Variants in NRXN3 observed in about 807,000 individuals in gnomAD.
NRXN3 encodes the protein neurexin III.
NRXN3 carries 32 observed loss-of-function variants against 137.6 expected under a neutral mutation model. The observed-to-expected ratio is 0.23, with a 90% CI of 0.18 to 0.31. The LOEUF is 0.31. Among genes scored for constraint, NRXN3 ranks in the 10% least tolerant of loss-of-function variants. The pLI, the probability that NRXN3 is intolerant of heterozygous loss-of-function variation, is 1.00. For synonymous variants in NRXN3, 798 were observed against 784.5 expected (o/e 1.02, Z -0.29); for missense variants, 1,574 against 2,062.5 (o/e 0.76, Z 4.59).
intron 16 of NRXN3, among the ~76,000 whole-genome samples, chr14:79,469,384 A>G (rs1192487181): frequency 6.6e-6 from 1 of 151,992 alleles, no homozygotes; most frequent in African/African-American, 2.4e-5. Flanking sequence ...GTATATTTTA[A>G]TATACCATTA....
intron 15 of NRXN3, among the ~76,000 whole-genome samples, chr14:79,070,275 T>C (rs1008730897): frequency 1.3e-5 from 2 of 152,130 alleles, no homozygotes; most frequent in South Asian, 2.1e-4. Flanking sequence ...CTTCTGACTG[T>C]ATGGTAAAAG....
At chr14:79,596,574 G>C (rs1424194593) in intron 16 of NRXN3, among the ~76,000 whole-genome samples, 1 of 134,216 alleles carries the variant, frequency 7.5e-6, no homozygotes, top group Admixed American at 7.1e-5. Context: ...CCAATTTTTG[G>C]ACAGGAGCAC....
intron 10 of NRXN3, among the ~76,000 whole-genome samples, chr14:78,853,567 T>C (rs2099048810): frequency 6.6e-6 from 1 of 152,168 alleles, no homozygotes; most frequent in African/African-American, 2.4e-5. Context: ...AAAATTTTAT[T>C]ACTATAATAT....
At chr14:79,088,750 T>G (rs1004856355) in intron 15 of NRXN3, among the ~76,000 whole-genome samples, 1 of 152,200 alleles carries the variant, frequency 6.6e-6, no homozygotes, top group African/African-American at 2.4e-5. Flanking sequence ...AATTTCTTTG[T>G]TATATCAGCC....
At chr14:78,508,740 C>T (rs561906559) in intron 4 of NRXN3, among the ~76,000 whole-genome samples, 1 of 152,218 alleles carries the variant, frequency 6.6e-6, no homozygotes, top group South Asian at 2.1e-4. Flanking sequence ...TTCTTCTTTG[C>T]CACCATGGTG....
chr14:78,440,548 C>T (rs1048157620), intron 4 of NRXN3, among the ~76,000 whole-genome samples: 24 of 152,068 alleles, frequency 1.6e-4, no homozygotes, highest in African/African-American at 3.9e-4. Flanking sequence ...TCCTAGAGGT[C>T]GTGCAACTCA....
chr14:78,303,517 GTC>G (rs1384345096), intron 4 of NRXN3, among the ~76,000 whole-genome samples: 4 of 152,034 alleles, frequency 2.6e-5, no homozygotes, highest in Non-Finnish European at 5.9e-5. Context: ...ATTAAATCGG[GTC>G]ATGTAGCTCA....
chr14:79,261,437 G>A, intron 15 of NRXN3, among the ~76,000 whole-genome samples: 1 of 152,106 alleles, frequency 6.6e-6, no homozygotes, highest in East Asian at 1.9e-4. Flanking sequence ...GCACAGAGAA[G>A]GAGAGATTTA....
At chr14:79,345,139 T>C (rs1383440064) in intron 15 of NRXN3, among the ~76,000 whole-genome samples, 3 of 152,156 alleles carry the variant, frequency 2.0e-5, no homozygotes, top group Non-Finnish European at 2.9e-5. Flanking sequence ...ACGTTCCAAC[T>C]ACCCAGAAAA....
chr14:79,501,761 AT>A (rs2096828417), intron 16 of NRXN3, among the ~76,000 whole-genome samples: 1 of 150,014 alleles, frequency 6.7e-6, no homozygotes, highest in Admixed American at 6.6e-5. Context: ...AAAAAAAAGC[AT>A]GTTAGACGAG....
intron 8 of NRXN3, among the ~76,000 whole-genome samples, chr14:78,786,156 C>T (rs757708407): frequency 4.2e-4 from 64 of 152,242 alleles, no homozygotes; most frequent in Middle Eastern, 3.4e-3. Context: ...ATTGCTAGAT[C>T]CTCAAGGTCT....
At chr14:78,415,259 T>A (rs539004151) in intron 4 of NRXN3, among the ~76,000 whole-genome samples, 10 of 152,348 alleles carry the variant, frequency 6.6e-5, no homozygotes, top group African/African-American at 2.4e-4. Context: ...ATGCCTATCA[T>A]GTAAAAAGCA....
intron 4 of NRXN3, among the ~76,000 whole-genome samples, chr14:78,351,782 CTTT>C (rs11423743): frequency 3.9e-5 from 5 of 127,846 alleles, no homozygotes; most frequent in Non-Finnish European, 8.2e-5. Context: ...TGGTATTTTT[CTTT>C]TTTTTTTTTT....
chr14:79,214,278 C>G (rs761779673), intron 15 of NRXN3, among the ~76,000 whole-genome samples: 4 of 152,194 alleles, frequency 2.6e-5, no homozygotes, highest in Non-Finnish European at 5.9e-5. Context: ...GACAGCTGTC[C>G]TATTTCTAGT....
In NRXN3 at chr14:79,786,351, T is replaced by A. The variant is rs550025208; in HGVS notation, c.4015-18761T>A. On this transcript the variant is annotated intron_variant, in intron 19 of 20. Transcript: ENST00000335750. ...CAGATATTGTTATGGATACATTTTA[T>A]GATATAAATAGAGATACACTTGTTT... 7.2e-4 allele frequency among the ~76,000 whole-genome samples: 110 copies of A among 152,298 alleles called. 1 individual carries two copies. The highest frequency in any genetic ancestry group is 1.3e-3 in the Admixed American group (20 of 15,294).
chr14:78,815,901 TGATGCCACTTATTAGAATC>T (rs2098931439), intron 10 of NRXN3, among the ~76,000 whole-genome samples: 2 of 152,184 alleles, frequency 1.3e-5, no homozygotes, highest in Admixed American at 1.3e-4. Flanking sequence ...ATTTACCTGG[TGATGCCACTTATTAGAATC>T]TTAGCAGAGA....
At chr14:79,518,484 C>A (rs959156367) in intron 16 of NRXN3, among the ~76,000 whole-genome samples, 1 of 151,854 alleles carries the variant, frequency 6.6e-6, no homozygotes, top group African/African-American at 2.4e-5. Context: ...ATGAATGGTT[C>A]TTTTCTGTTA....
At chr14:78,852,161 C>G (rs145556293) in intron 10 of NRXN3, among the ~76,000 whole-genome samples, 11 of 152,222 alleles carry the variant, frequency 7.2e-5, no homozygotes, top group Non-Finnish European at 1.0e-4. Flanking sequence ...ACTTGATCAT[C>G]TCACTTCCTT....
At position 79,763,195 on chromosome 14, in the gene NRXN3, T is replaced by A. The variant is rs1002094561; in HGVS notation, c.4015-41917T>A. Among the ~76,000 whole-genome samples the A allele has an allele frequency of 2.5e-4, 38 of 151,650 alleles. 1 individual carries two copies. Among genetic ancestry groups the A allele is most frequent in the African/African-American group, 9.0e-4 (37 of 40,920 alleles). ...TTCATCCATGTCCCTGCAAAGGATA[T>A]GAACTCATCCTTTTTTATGGTTGCA... On this transcript the variant is annotated intron_variant, in intron 19 of 20. Coordinates refer to ENST00000335750, the MANE Select transcript of NRXN3 (RefSeq NM_001330195.2).
Sources: gnomAD v4.1 joint callset for allele counts (sites outside exome capture counted in the v4.1 genomes callset) on GRCh38, gnomAD v4.1.1 for gene constraint, MANE v1.5 for transcripts, NCBI Gene and HGNC (gene_info 2026-07-23, HGNC 2026-07-21) for gene names.